Variants in BRSK2 observed in about 807,000 individuals in gnomAD.
BRSK2 encodes serine/threonine-protein kinase BRSK2.
A neutral mutation model predicts 83.3 loss-of-function variants in BRSK2; 19 were observed. The ratio of observed to expected loss-of-function variants is 0.23; its 90% confidence interval spans 0.16 to 0.33. The LOEUF is 0.33. Among genes scored for constraint, BRSK2 ranks in the 10% least tolerant of loss-of-function variants. The pLI is 1.00. For synonymous variants in BRSK2, 519 were observed against 435.4 expected, an observed-to-expected ratio of 1.19 and a Z score of -2.39; for missense variants, 798 against 1,042.3, an observed-to-expected ratio of 0.77 and a Z score of 3.23.
chr11:1,445,270 G>A lies in BRSK2; in HGVS notation c.813-24G>A, dbSNP rs766504958. 17 of 1,587,630 alleles carry A rather than the reference G, an allele frequency of 1.1e-5. No homozygotes were observed. In the East Asian group the frequency reaches 1.6e-4, roughly 15 times the overall value. On this transcript the variant is annotated intron_variant, in intron 9 of 19. Transcript: ENST00000528841. ...CCAGGCCCGGCCGGAGCTGATGAGC[G>A]GGTGGCCCGTCCTGTGTCCACAGAG... is the stretch of plus-strand genomic sequence containing the variant.
chr11:1,415,602 C>G (rs1848017939), intron 1 of BRSK2, among the ~76,000 whole-genome samples: 1 of 152,202 alleles, frequency 6.6e-6, no homozygotes, highest in Non-Finnish European at 1.5e-5. Context: ...CAGTTTTAGT[C>G]AGCCTCATTT....
At chr11:1,435,072 T>C (rs1192482922) in intron 1 of BRSK2, among the ~76,000 whole-genome samples, 1 of 151,176 alleles carries the variant, frequency 6.6e-6, no homozygotes. Context: ...GCCTGCCTTT[T>C]AGGTGGGTCT....
Position 1,461,175 on chromosome 11 carries a change from C to T in BRSK2, c.*452C>T, listed in dbSNP as rs1479866164. Reference sequence around the variant, plus strand: ...AAGGCCAGGCTCGGGGGAGCCTCCTCCAGCCCGGCCGACCCGGACTCCCGG... The same window carrying T: ...AAGGCCAGGCTCGGGGGAGCCTCCTTCAGCCCGGCCGACCCGGACTCCCGG... On this transcript the variant is annotated 3_prime_UTR_variant, in exon 20 of 20. Transcript: ENST00000528841. 1.1e-6 allele frequency: 1 copy of T among 874,970 alleles called. No individual in the cohort carries two copies. The highest frequency in any genetic ancestry group is 1.7e-6 in the Non-Finnish European group (1 of 596,514). 54.2% of individuals were successfully genotyped at this position (874,970 alleles called of 1,614,324 possible).
At position 1,454,438 on chromosome 11, in the gene BRSK2, A is replaced by G. The variant is rs1280780650; in HGVS notation, c.1545-47A>G. The G allele has an allele frequency of 1.2e-6, 2 of 1,606,380 alleles. No individual in the cohort carries two copies. Among genetic ancestry groups the G allele is most frequent in the Admixed American group, 3.3e-5 (2 of 59,838 alleles). On this transcript the variant is annotated intron_variant, in intron 15 of 19. Transcript: ENST00000528841. This position sits in a 1 kb window ranked among gnomAD's most constrained non-coding sequence, Gnocchi z 5.2. ...AGATTCGAGGGAGGCAGGGGTGTGG[A>G]CGGTGCCACACCTCAATCCTCACAG...
intron 1 of BRSK2, among the ~76,000 whole-genome samples, chr11:1,408,980 GTGTGTGTA>G (rs1226938172): frequency 1.8e-4 from 24 of 133,808 alleles, no homozygotes; most frequent in Non-Finnish European, 2.6e-4. Context: ...GTGTGTGTGT[GTGTGTGTA>G]TGTCTGTGCA....
At chr11:1,393,045 C>T (rs4881749) in intron 1 of BRSK2, among the ~76,000 whole-genome samples, 3,459 of 152,258 alleles carry the variant, frequency 0.023, 92 homozygotes, top group Admixed American at 0.077. Flanking sequence ...TGGGAACCCA[C>T]CTGCAAAGGT....
At chr11:1,405,844 G>A (rs1213023098) in intron 1 of BRSK2, among the ~76,000 whole-genome samples, 2 of 152,052 alleles carry the variant, frequency 1.3e-5, no homozygotes, top group East Asian at 3.9e-4. Flanking sequence ...ACCCCATCCA[G>A]CCCCTGCTCC....
chr11:1,460,738 C>CCT lies in BRSK2; in HGVS notation c.*16_*17insTC, dbSNP rs769515547. ...AGCAGCCTTAGACACACTAGCCCCC[C>CCT]CCCCCAGCACAGCACTGACAGCGGC... On this transcript the variant is annotated 3_prime_UTR_variant, in exon 20 of 20. Transcript: ENST00000528841. 5 of 1,408,148 alleles carry CCT rather than the reference C, an allele frequency of 3.6e-6. No homozygotes were observed. The highest frequency in any genetic ancestry group is 5.4e-5 in the Admixed American group (2 of 36,796). 87.2% of individuals were successfully genotyped at this position (1,408,148 alleles called of 1,614,324 possible). A position where few individuals can be genotyped will look rare whatever the true frequency, so the allele number is the denominator to read the frequency against.
At chr11:1,397,351 G>A (rs552919928) in intron 1 of BRSK2, among the ~76,000 whole-genome samples, 2 of 152,348 alleles carry the variant, frequency 1.3e-5, no homozygotes, top group African/African-American at 4.8e-5. Context: ...TCAGGGCCCG[G>A]CCTGCCAGGT....
At chr11:1,395,245 A>C (rs1044615743) in intron 1 of BRSK2, among the ~76,000 whole-genome samples, 1 of 152,042 alleles carries the variant, frequency 6.6e-6, no homozygotes, top group Non-Finnish European at 1.5e-5. Flanking sequence ...CTACAAGCTG[A>C]GGTCTCAGGA....
At chr11:1,459,373 T>C (rs1185065952) in intron 19 of BRSK2, 134 bp downstream of exon 19, 1 of 976,144 alleles carries the variant, frequency 1.0e-6, no homozygotes, top group African/African-American at 1.6e-5. Flanking sequence ...GCAGCCCAGA[T>C]GTCCCCGGCC....
chr11:1,427,727 G>T (rs915612117), intron 1 of BRSK2, among the ~76,000 whole-genome samples: 3 of 152,230 alleles, frequency 2.0e-5, no homozygotes. Flanking sequence ...ATTAGAGATG[G>T]ACTCTCAATT....
At chr11:1,410,578 T>C in intron 1 of BRSK2, 1 of 985,380 alleles carries the variant, frequency 1.0e-6, no homozygotes, top group Non-Finnish European at 1.2e-6. Flanking sequence ...GGCTCTCTGG[T>C]CCCCGGGAGT....
intron 1 of BRSK2, among the ~76,000 whole-genome samples, chr11:1,426,513 G>T (rs1300788701): frequency 6.6e-6 from 1 of 152,180 alleles, no homozygotes; most frequent in Non-Finnish European, 1.5e-5. Context: ...TCGGTCTCGA[G>T]CCTGGGTCTG....
At chr11:1,459,264 GCACCTCCACCTGC>G in intron 19 of BRSK2, 25 bp downstream of exon 19, 1 of 1,611,546 alleles carries the variant, frequency 6.2e-7, no homozygotes, top group Non-Finnish European at 8.5e-7. Flanking sequence ...CGCTCACCTG[GCACCTCCACCTGC>G]CACTTCACCG....
At chr11:1,424,134 A>G (rs1041948301) in intron 1 of BRSK2, among the ~76,000 whole-genome samples, 5 of 152,130 alleles carry the variant, frequency 3.3e-5, no homozygotes, top group African/African-American at 1.2e-4. Flanking sequence ...CCACCCCCAC[A>G]TCCTCCAGCT....
intron 1 of BRSK2, among the ~76,000 whole-genome samples, chr11:1,434,586 C>T (rs113586585): frequency 1.5e-4 from 17 of 115,506 alleles, no homozygotes; most frequent in South Asian, 2.9e-4. Context: ...TGGGGGCACC[C>T]AGGAGTGGGG....
At chr11:1,445,091 G>A in intron 9 of BRSK2, 89 bp downstream of exon 9, 1 of 1,548,598 alleles carries the variant, frequency 6.5e-7, no homozygotes, top group Non-Finnish European at 8.9e-7. Context: ...GAGGGCGCCG[G>A]CCCAGCGCAG....
chr11:1,445,578 C>G lies in BRSK2; in HGVS notation c.985C>G (p.Gln329Glu), dbSNP rs1335802237. ...LQDLLSEEEN[Q>E]EKMIYFLLLD... is the part of the protein sequence containing the mutation. Reference sequence around the variant, plus strand: ...GCCTCTCGCCCGCTGTAGGGAGAACCAGGAGAAGATGATTTACTTCCTCCT... The same window carrying G: ...GCCTCTCGCCCGCTGTAGGGAGAACGAGGAGAAGATGATTTACTTCCTCCT... The change falls in exon 11 of 20, where the codon CAG becomes GAG. Residue 329 changes from glutamine to glutamate, a missense_variant. Physicochemically the swap from Gln to Glu is conservative, Grantham distance 29 (BLOSUM62 2). Around this residue, in one of 6 missense-constraint regions of BRSK2, gnomAD observed 145 missense variants for 225.4 expected, o/e 0.64. Coordinates refer to ENST00000528841, the MANE Select transcript of BRSK2 (RefSeq NM_001256627.2). 1.0e-5 allele frequency: 16 copies of G among 1,576,776 alleles called. No homozygotes were observed. In the East Asian group the frequency reaches 3.7e-4, roughly 37 times the overall value.
Sources: gnomAD v4.1 joint callset for allele counts (sites outside exome capture counted in the v4.1 genomes callset) on GRCh38, gnomAD v4.1.1 for gene constraint, gnomAD v4.1.1 regional missense constraint, Gnocchi (gnomAD v3.1) non-coding constraint, MANE v1.5 for transcripts, NCBI Gene and HGNC (gene_info 2026-07-23, HGNC 2026-07-21) for gene names.